Variants in ATP9B observed in about 807,000 individuals in gnomAD.
ATP9B encodes the protein probable phospholipid-transporting ATPase IIB.
ATP9B carries 110 observed loss-of-function variants against 146.1 expected under a neutral mutation model. That is an observed-to-expected ratio of 0.75 (90% CI 0.65 to 0.88). The LOEUF (loss-of-function observed/expected upper bound fraction) is 0.88, where lower values mean the gene tolerates loss of function less well. Ranked by LOEUF, ATP9B falls within the 40% of genes least tolerant of loss-of-function variation. ATP9B has a pLI of 0.00. For synonymous variants in ATP9B, 604 were observed against 569.7 expected, an observed-to-expected ratio of 1.06 and a Z score of -0.86; for missense variants, 1,499 against 1,496.4, an observed-to-expected ratio of 1.00 and a Z score of -0.03.
chr18:79,303,888 G>A (rs1418433224), intron 14 of ATP9B, among the ~76,000 whole-genome samples, 172 bp downstream of exon 14: 4 of 152,150 alleles, frequency 2.6e-5, no homozygotes, highest in Admixed American at 2.6e-4. Context: ...TCTTTGATGA[G>A]CATTTGTACA....
At chr18:79,286,999 G>A (rs2096450404) in intron 13 of ATP9B, among the ~76,000 whole-genome samples, 1 of 152,210 alleles carries the variant, frequency 6.6e-6, no homozygotes, top group Non-Finnish European at 1.5e-5. Flanking sequence ...GCTTTTTGAT[G>A]TGCTGCTGGA....
intron 1 of ATP9B, among the ~76,000 whole-genome samples, chr18:79,092,889 AAAT>A (rs1324692424): frequency 1.3e-5 from 2 of 152,214 alleles, no homozygotes; most frequent in African/African-American, 2.4e-5. Flanking sequence ...GTCTGATCTA[AAAT>A]AATAATGATA....
chr18:79,077,441 G>T (rs542079644), intron 1 of ATP9B, among the ~76,000 whole-genome samples: 26 of 152,330 alleles, frequency 1.7e-4, no homozygotes, highest in African/African-American at 5.5e-4. Context: ...CTGCATGCCT[G>T]TGGCCTCCAC....
chr18:79,213,333 G>A (rs919245189), intron 10 of ATP9B, among the ~76,000 whole-genome samples: 1 of 151,764 alleles, frequency 6.6e-6, no homozygotes, highest in South Asian at 2.1e-4. Flanking sequence ...GAAATCTATC[G>A]GTCATACCAA....
intron 2 of ATP9B, among the ~76,000 whole-genome samples, chr18:79,101,360 T>C (rs1208258955): frequency 6.6e-6 from 1 of 152,226 alleles, no homozygotes; most frequent in Non-Finnish European, 1.5e-5. Flanking sequence ...TAGTGATATC[T>C]GTATTATGTG....
At chr18:79,117,873 A>G (rs2094115062) in intron 4 of ATP9B, 1 of 152,226 alleles carries the variant, frequency 6.6e-6, no homozygotes, top group African/African-American at 2.4e-5. Flanking sequence ...GTATCTCTTA[A>G]TAGTTTTACT....
intron 10 of ATP9B, 59 bp from the exon 11 acceptor site, chr18:79,213,903 T>C: frequency 1.7e-6 from 2 of 1,196,054 alleles, no homozygotes. Flanking sequence ...AATTAGAAAG[T>C]GTTATCTTTT....
chr18:79,186,636 CTAG>C (rs1432265721), intron 8 of ATP9B, among the ~76,000 whole-genome samples: 6 of 152,150 alleles, frequency 3.9e-5, no homozygotes, highest in Non-Finnish European at 8.8e-5. Flanking sequence ...ATTAAACATT[CTAG>C]TAGAAGTTTC....
chr18:79,194,023 G>C (rs557411163), intron 9 of ATP9B, among the ~76,000 whole-genome samples: 58 of 152,304 alleles, frequency 3.8e-4, no homozygotes, highest in Non-Finnish European at 7.5e-4. Flanking sequence ...CTGTGAGGTC[G>C]TTAAAGTCCC....
At chr18:79,110,872 A>G (rs747467409) in intron 3 of ATP9B, among the ~76,000 whole-genome samples, 11 of 152,234 alleles carry the variant, frequency 7.2e-5, no homozygotes, top group Non-Finnish European at 1.5e-4. Context: ...AGAAAACAGT[A>G]AATGTAATGT....
intron 26 of ATP9B, chr18:79,372,547 C>T (rs2097077982): frequency 3.3e-6 from 2 of 598,008 alleles, no homozygotes; most frequent in Non-Finnish European, 3.1e-6. Flanking sequence ...TACATCACTC[C>T]TGGCTTAGTA....
At chr18:79,255,638 G>T (rs2145148592) in intron 12 of ATP9B, among the ~76,000 whole-genome samples, 1 of 152,346 alleles carries the variant, frequency 6.6e-6, no homozygotes, top group Middle Eastern at 3.4e-3. Context: ...TCAGATGGAG[G>T]AGCTGCTTCT....
intron 8 of ATP9B, among the ~76,000 whole-genome samples, chr18:79,184,720 C>G (rs2095288442): frequency 6.6e-6 from 1 of 152,164 alleles, no homozygotes; most frequent in East Asian, 1.9e-4. Context: ...TGTACATACT[C>G]AAGTAATCTC....
chr18:79,344,119 T>G lies in ATP9B; in HGVS notation c.2383-146T>G. The G allele has an allele frequency of 8.3e-6, 6 of 724,734 alleles. No homozygotes were observed. The South Asian group carries it at 8.7e-5, about 11-fold the overall frequency. 44.9% of individuals were successfully genotyped at this position (724,734 alleles called of 1,614,324 possible). A position where few individuals can be genotyped will look rare whatever the true frequency, so the allele number is the denominator to read the frequency against. On this transcript the variant is annotated intron_variant, in intron 20 of 29. Transcript: ENST00000426216. Reference sequence around the variant, plus strand: ...GCTGGAGGAATTGGAAAGGACCTTCTTCCGGGTCCAAATACTAAAGCTCCT... The same window carrying G: ...GCTGGAGGAATTGGAAAGGACCTTCGTCCGGGTCCAAATACTAAAGCTCCT...
intron 25 of ATP9B, among the ~76,000 whole-genome samples, chr18:79,356,446 G>A (rs2096953702): frequency 1.3e-5 from 2 of 152,202 alleles, no homozygotes; most frequent in Admixed American, 1.3e-4. Context: ...AATATTTACA[G>A]CAGTTTTATT....
intron 4 of ATP9B, among the ~76,000 whole-genome samples, chr18:79,122,764 C>G (rs2094211402): frequency 6.6e-6 from 1 of 152,054 alleles, no homozygotes; most frequent in South Asian, 2.1e-4. Flanking sequence ...AACTCTAGTT[C>G]AATAAAATGA....
chr18:79,196,075 C>G (rs1285504715), intron 9 of ATP9B, among the ~76,000 whole-genome samples: 1 of 152,200 alleles, frequency 6.6e-6, no homozygotes, highest in Non-Finnish European at 1.5e-5. Context: ...AAATGACCAG[C>G]TCCCCACAGT....
chr18:79,165,432 C>T (rs1019604684), intron 7 of ATP9B, among the ~76,000 whole-genome samples: 1 of 152,216 alleles, frequency 6.6e-6, no homozygotes, highest in African/African-American at 2.4e-5. Flanking sequence ...GTAGCATTCT[C>T]CTAACTTCCT....
intron 7 of ATP9B, among the ~76,000 whole-genome samples, chr18:79,157,820 G>A (rs1480992684): frequency 6.6e-6 from 1 of 152,090 alleles, no homozygotes; most frequent in East Asian, 1.9e-4. Flanking sequence ...TTTCCTTACA[G>A]TCCTTTTTAT....
Sources: gnomAD v4.1 joint callset for allele counts (sites outside exome capture counted in the v4.1 genomes callset) on GRCh38, gnomAD v4.1.1 for gene constraint, MANE v1.5 for transcripts, NCBI Gene and HGNC (gene_info 2026-07-23, HGNC 2026-07-21) for gene names.